SYCE1: variants seen among roughly 807,000 people sequenced by gnomAD.
SYCE1 encodes synaptonemal complex central element protein 1, also known as cancer/testis antigen 76.
Under a neutral mutation model 55.1 loss-of-function variants are expected in SYCE1, and 37 were observed. The ratio of observed to expected loss-of-function variants is 0.67; its 90% CI spans 0.52 to 0.88. SYCE1 has a LOEUF of 0.88. Among genes scored for constraint, SYCE1 ranks in the 40% least tolerant of loss-of-function variants. SYCE1 has a pLI of 0.00. For synonymous variants in SYCE1, 163 were observed against 159.4 expected, an observed-to-expected ratio of 1.02 and a Z score of -0.17; for missense variants, 399 against 416.4, an observed-to-expected ratio of 0.96 and a Z score of 0.36.
Position 133,558,867 on chromosome 10 carries a change from GCT to G in SYCE1, c.271+8_271+9del, listed in dbSNP as rs1373793504. On this transcript the variant is annotated splice_region_variant and intron_variant, in intron 4 of 12. Coordinates refer to ENST00000343131, the MANE Select transcript of SYCE1 (RefSeq NM_001143764.3). ...TGTGGGGACCTCTGGGTGACCCCCG[GCT>G]CTCTTACGCGAGTCCAGTTCCTTCT... 6.2e-7 allele frequency: 1 copy of G among 1,613,302 alleles called. No homozygotes were observed. Among genetic ancestry groups the G allele is most frequent in the South Asian group, 1.1e-5 (1 of 90,942 alleles).
upstream of SYCE1, among the ~76,000 whole-genome samples, chr10:133,566,206 A>C (rs3020498): frequency 0.7 from 106,819 of 151,780 alleles, 42,675 homozygotes; most frequent in Non-Finnish European, 0.88. Flanking sequence ...GAGGAGGAGC[A>C]GAGGCTTTCG....
downstream of SYCE1, chr10:133,554,832 G>A: frequency 6.9e-7 from 1 of 1,450,570 alleles, no homozygotes; most frequent in Non-Finnish European, 9.0e-7. Context: ...CCAGAGATGA[G>A]CAATCCAGAG....
chr10:133,557,521 T>G, intron 6 of SYCE1: 1 of 485,202 alleles, frequency 2.1e-6, no homozygotes. Flanking sequence ...AGATAATGGA[T>G]GAATGGAGAG....
chr10:133,562,739 T>C (rs966534744), intron 1 of SYCE1, among the ~76,000 whole-genome samples: 1 of 152,226 alleles, frequency 6.6e-6, no homozygotes, highest in African/African-American at 2.4e-5. Flanking sequence ...TTAAGTACAC[T>C]GTAAAAGCAT....
At chr10:133,559,137 T>C in intron 3 of SYCE1, 164 bp downstream of exon 3, 2 of 912,822 alleles carry the variant, frequency 2.2e-6, no homozygotes, top group Middle Eastern at 2.2e-4. Context: ...CATGTAACTA[T>C]GGCAGTCGCA....
chr10:133,566,609 A>G (rs1276405412), upstream of SYCE1, among the ~76,000 whole-genome samples: 1 of 75,732 alleles, frequency 1.3e-5, no homozygotes, highest in Non-Finnish European at 2.4e-5. Context: ...TGTTGGGGTT[A>G]GGGTATTGGG....
At chr10:133,558,652 G>T (rs1034706990) in intron 4 of SYCE1, 1 of 564,154 alleles carries the variant, frequency 1.8e-6, no homozygotes, top group Non-Finnish European at 3.1e-6. Flanking sequence ...ATTATCTGAG[G>T]AAGCACAGAC....
chr10:133,560,747 G>A (rs1288341388), intron 1 of SYCE1: 2 of 152,060 alleles, frequency 1.3e-5, no homozygotes, highest in East Asian at 3.8e-4. Context: ...TTAACATTGT[G>A]AAAGGAAAAT....
chr10:133,556,572 C>T (rs1851688698), intron 8 of SYCE1, 187 bp downstream of exon 8: 3 of 656,440 alleles, frequency 4.6e-6, no homozygotes, highest in South Asian at 1.8e-5. Context: ...ATCAGAGATC[C>T]CCCTGACCAC....
Position 133,557,069 on chromosome 10 carries a change from C to G in SYCE1, c.462G>C (p.Leu154=), listed in dbSNP as rs1270220957. ...IEEEKNKQRQ[L]RLAFEEQLED... is the part of the protein sequence containing the mutation. ...CTGCCTCAGATGCTAAGGTTTACCT[C>G]AGCTGTCTCTGTTTGTTCTTCTCTT... The change falls in exon 7 of 13, where the codon CTG becomes CTC. Residue 154 remains leucine, a splice_region_variant and synonymous_variant. Coordinates refer to ENST00000343131, the MANE Select transcript of SYCE1 (RefSeq NM_001143764.3). The G allele has an allele frequency of 1.9e-6, 3 of 1,613,460 alleles. No homozygotes were observed. Among genetic ancestry groups the G allele is most frequent in the South Asian group, 2.2e-5 (2 of 91,072 alleles).
In SYCE1 at chr10:133,558,445, T is replaced by C. The variant is rs1851742145; in HGVS notation, c.272-231A>G. 5 of 583,962 alleles carry C rather than the reference T, an allele frequency of 8.6e-6. No individual in the cohort carries two copies. In the South Asian group the frequency reaches 8.6e-5, roughly 10 times the overall value. 36.2% of individuals were successfully genotyped at this position (583,962 alleles called of 1,614,324 possible). On this transcript the variant is annotated intron_variant, in intron 4 of 12. Coordinates refer to ENST00000343131, the MANE Select transcript of SYCE1 (RefSeq NM_001143764.3). ...GGGCCCTGGAGGATGCTCGTGCTTT[T>C]ACATGGGGAGGAGAGAAAAAATACC...
At chr10:133,567,827 A>T (rs1851983872), upstream of SYCE1, 1 of 373,554 alleles carries the variant, frequency 2.7e-6, no homozygotes, top group Admixed American at 3.1e-5. Flanking sequence ...GGCTGAGGGG[A>T]CCCTAACATC....
At chr10:133,558,448 A>G (rs1851742197) in intron 4 of SYCE1, 2 of 581,728 alleles carry the variant, frequency 3.4e-6, no homozygotes, top group South Asian at 2.2e-5. Context: ...GTGCTTTTAC[A>G]TGGGGAGGAG....
chr10:133,565,359 G>A, intron 1 of SYCE1, 98 bp downstream of exon 1: 12 of 1,139,238 alleles, frequency 1.1e-5, no homozygotes, highest in South Asian at 1.8e-5. Context: ...AGCAGCATCA[G>A]GACTGACAGG....
intron 3 of SYCE1, 87 bp downstream of exon 3, chr10:133,559,214 A>G: frequency 2.1e-6 from 3 of 1,442,594 alleles, no homozygotes; most frequent in Middle Eastern, 3.5e-4. Context: ...GTAACTTTGG[A>G]ACAAGGGACC....
At chr10:133,565,322 T>C (rs1851901052) in intron 1 of SYCE1, 135 bp downstream of exon 1, 6 of 788,100 alleles carry the variant, frequency 7.6e-6, no homozygotes, top group South Asian at 2.5e-5. Flanking sequence ...CCGAAATTTT[T>C]CTGAAGAAAC....
At chr10:133,556,160 C>T (rs1851678175) in intron 8 of SYCE1, 113 bp from the exon 9 acceptor site, 3 of 1,247,476 alleles carry the variant, frequency 2.4e-6, no homozygotes, top group African/African-American at 2.9e-5. Flanking sequence ...TCCAACAACT[C>T]TGCCCCTCTG....
At chr10:133,564,721 C>T (rs940520263) in intron 1 of SYCE1, among the ~76,000 whole-genome samples, 1 of 152,218 alleles carries the variant, frequency 6.6e-6, no homozygotes, top group Non-Finnish European at 1.5e-5. Flanking sequence ...GATCTCAGGA[C>T]AGAATGACAA....
chr10:133,565,497 C>T lies in SYCE1; in HGVS notation c.33G>A (p.Glu11=), dbSNP rs1479694398. 1 of 1,550,214 alleles carries T rather than the reference C, an allele frequency of 6.5e-7. No homozygotes were observed. Among genetic ancestry groups the T allele is most frequent in the South Asian group, 1.2e-5 (1 of 83,930 alleles). Residue 11 remains glutamate, a synonymous_variant, in exon 1 of 13, where the codon GAG becomes GAA. Coordinates refer to ENST00000343131, the MANE Select transcript of SYCE1 (RefSeq NM_001143764.3). ...CCCTGTCCACGGCTCCTGCGGTGGG[C>T]TCGGCCTTCGATGTCAGGGACCTCC... MAGRSLTSKA[E]PTAGAVDRAE...
Sources: allele counts gnomAD v4.1 joint callset (sites outside exome capture counted in the v4.1 genomes callset), GRCh38; gene constraint gnomAD v4.1.1; transcripts MANE v1.5; gene names NCBI Gene and HGNC (gene_info 2026-07-23, HGNC 2026-07-21).